DNAAF1: variants seen among roughly 807,000 people sequenced by gnomAD.
DNAAF1 encodes the protein dynein assembly factor 1, axonemal.
In DNAAF1, 65 loss-of-function variants were observed where a neutral mutation model predicts 71.1. The ratio of observed to expected loss-of-function variants is 0.91; its 90% CI spans 0.75 to 1.12. The LOEUF is 1.12. Among genes scored for constraint, DNAAF1 ranks in the 50% most tolerant of loss-of-function variants. The probability of loss-of-function intolerance (pLI) is 0.00; values close to 1 mark genes in which losing one functional copy is unlikely to be tolerated. For missense variants in DNAAF1, 1,178 were observed against 899.8 expected, an observed-to-expected ratio of 1.31 and a Z score of -3.96; for synonymous variants, 414 against 354.6, an observed-to-expected ratio of 1.17 and a Z score of -1.88.
In DNAAF1 at chr16:84,170,305, A is replaced by G; in HGVS notation, c.1477A>G (p.Thr493Ala). 2 of 1,611,628 alleles carry G rather than the reference A, an allele frequency of 1.2e-6. No homozygotes were observed. Among genetic ancestry groups the G allele is most frequent in the South Asian group, 1.1e-5 (1 of 90,928 alleles). Residue 493 changes from threonine to alanine, a missense_variant, in exon 8 of 12, where the codon ACC (threonine) becomes GCC (alanine). Thr to Ala is a moderately conservative substitution (Grantham distance 58, BLOSUM62 0). Coordinates refer to ENST00000378553, the MANE Select transcript of DNAAF1 (RefSeq NM_178452.6). ...GGATGGAGATCGAGAGCCAGAGGGG[A>G]CCCTCCCAGCTGAGGCCCCACCACC... Reference protein sequence around the residue: ...GEDGDREPEGTLPAEAPPPPP... With the variant: ...GEDGDREPEGALPAEAPPPPP...
In DNAAF1 at chr16:84,172,797, G is replaced by T. The variant is rs1356706194; in HGVS notation, c.1644+422G>T. 6 of 1,067,790 alleles carry T rather than the reference G, an allele frequency of 5.6e-6. No homozygotes were observed. The African/African-American group carries it at 8.3e-5, about 15-fold the overall frequency. 66.1% of individuals were successfully genotyped at this position (1,067,790 alleles called of 1,614,324 possible). A position where few individuals can be genotyped will look rare whatever the true frequency, so the allele number is the denominator to read the frequency against. ...ATACATTGTATCTTTTCCCCCCTCC[G>T]TGGACACCGCCCAGCAGGTAGCTTA... On this transcript the variant is annotated intron_variant, in intron 9 of 11. Coordinates refer to ENST00000378553, the MANE Select transcript of DNAAF1 (RefSeq NM_178452.6).
Position 84,156,851 on chromosome 16 carries a change from C to CTTTTTTTTT in DNAAF1, c.741+1113_741+1121dup, listed in dbSNP as rs778916785. On this transcript the variant is annotated intron_variant, in intron 5 of 11. Transcript: ENST00000378553. The stretch of plus-strand genomic sequence containing the variant: ...TTCCTTTCCTTTTCTTTCTTTCTTT[C>CTTTTTTTTT]TTTTTTTTTTTTTTTTTTTGAGACA... 1.3e-3 allele frequency among the ~76,000 whole-genome samples: 147 copies of CTTTTTTTTT among 111,806 alleles called. 1 individual carries two copies. The highest frequency in any genetic ancestry group is 3.5e-3 in the African/African-American group (98 of 27,756). 73.3% of individuals were successfully genotyped at this position (111,806 alleles called of 152,430 possible). A position where few individuals can be genotyped will look rare whatever the true frequency, so the allele number is the denominator to read the frequency against.
At chr16:84,148,592 C>CTTT (rs1298445444) in intron 1 of DNAAF1, among the ~76,000 whole-genome samples, 1 of 33,486 alleles carries the variant, frequency 3.0e-5, no homozygotes, top group Admixed American at 3.2e-4. Context: ...TTCTCTCTCT[C>CTTT]TCTCTTTTTT....
chr16:84,173,845 A>G (rs931700815), intron 9 of DNAAF1: 2 of 152,834 alleles, frequency 1.3e-5, no homozygotes, highest in African/African-American at 4.8e-5. Flanking sequence ...CAACACAGCG[A>G]GACTCTGTCT....
chr16:84,165,686 C>T, intron 6 of DNAAF1, 97 bp from the exon 7 acceptor site: 3 of 1,181,874 alleles, frequency 2.5e-6, no homozygotes, highest in East Asian at 2.3e-5. Context: ...GTCTGATGCT[C>T]ACTTTGCTTT....
intron 1 of DNAAF1, among the ~76,000 whole-genome samples, chr16:84,147,366 C>T (rs2086963267): frequency 1.3e-5 from 2 of 152,146 alleles, no homozygotes; most frequent in African/African-American, 4.8e-5. Flanking sequence ...ACACAGAAAG[C>T]AGCAGACAAC....
rs1597513394 is a variant in DNAAF1, at chr16:84,177,713, A to C, written c.2066-16A>C. The C allele has an allele frequency of 3.1e-6, 5 of 1,607,552 alleles. No homozygotes were observed. Among genetic ancestry groups the C allele is most frequent in the Non-Finnish European group, 4.3e-6 (5 of 1,174,674 alleles). ...CAGTGACAGGGAGAAAGCACAGGTC[A>C]CCCTTCCTTCCACAGTGCCGACTGA... On this transcript the variant is annotated splice_polypyrimidine_tract_variant and intron_variant, in intron 11 of 11. Coordinates refer to ENST00000378553, the MANE Select transcript of DNAAF1 (RefSeq NM_178452.6).
chr16:84,148,790 A>T (rs918096944), intron 1 of DNAAF1, among the ~76,000 whole-genome samples: 3 of 150,868 alleles, frequency 2.0e-5, no homozygotes, highest in Non-Finnish European at 4.4e-5. Context: ...GGGTTTTGTC[A>T]TGTTGCTCAG....
At chr16:84,162,608 C>G (rs1175871199) in intron 6 of DNAAF1, among the ~76,000 whole-genome samples, 2 of 151,938 alleles carry the variant, frequency 1.3e-5, no homozygotes, top group African/African-American at 2.4e-5. Context: ...ATCACCAGGT[C>G]AAGAGATTGA....
intron 1 of DNAAF1, 104 bp from the exon 2 acceptor site, chr16:84,148,903 G>C: frequency 7.6e-7 from 1 of 1,308,234 alleles, no homozygotes; most frequent in Non-Finnish European, 1.1e-6. Flanking sequence ...AAAGAATACT[G>C]GTGTTCTATA....
At chr16:84,174,789 G>A (rs1436603706) in intron 10 of DNAAF1, 67 bp downstream of exon 10, 13 of 1,593,244 alleles carry the variant, frequency 8.2e-6, no homozygotes, top group East Asian at 2.2e-5. Context: ...GTCGTTTACC[G>A]TTTCTCTCCT....
intron 5 of DNAAF1, among the ~76,000 whole-genome samples, chr16:84,158,137 A>G (rs577508580): frequency 3.3e-4 from 51 of 152,282 alleles, no homozygotes; most frequent in Non-Finnish European, 5.4e-4. Context: ...CCTGGGAGGC[A>G]GAGCTTGCAG....
intron 6 of DNAAF1, among the ~76,000 whole-genome samples, 189 bp downstream of exon 6, chr16:84,159,985 T>C (rs1429632453): frequency 6.6e-6 from 1 of 152,158 alleles, no homozygotes; most frequent in Non-Finnish European, 1.5e-5. Context: ...TTTTTTATAT[T>C]CCTTTGATAA....
chr16:84,155,543 T>A, intron 4 of DNAAF1, 40 bp from the exon 5 acceptor site: 2 of 1,612,370 alleles, frequency 1.2e-6, no homozygotes, highest in Non-Finnish European at 1.7e-6. Flanking sequence ...GAAGCATTTT[T>A]ATGCCTTTGT....
chr16:84,145,629 C>T (rs2086863420), intron 1 of DNAAF1, 65 bp downstream of exon 1: 4 of 1,520,864 alleles, frequency 2.6e-6, no homozygotes, highest in Admixed American at 2.0e-5. Context: ...CTCCAGCCCC[C>T]TTCCCACACC....
chr16:84,146,292 A>G (rs2086902833), intron 1 of DNAAF1, among the ~76,000 whole-genome samples: 1 of 152,184 alleles, frequency 6.6e-6, no homozygotes, highest in East Asian at 1.9e-4. Flanking sequence ...ATGTTGTGTC[A>G]GGGCAAGACA....
At chr16:84,174,205 G>A (rs995086789) in intron 9 of DNAAF1, 18 of 1,025,096 alleles carry the variant, frequency 1.8e-5, no homozygotes, top group East Asian at 1.8e-4. Context: ...CCCCAACCAC[G>A]CACTGGTTGT....
At position 84,160,828 on chromosome 16, in the gene DNAAF1, G is replaced by A. The variant is rs1178635722; in HGVS notation, c.863+1032G>A. ...TGGGCGCCTGTAGTCCCAGCTACTC[G>A]AGTGGAGGCTGAGGAGGAGAATGGC... is the stretch of plus-strand genomic sequence containing the variant. On this transcript the variant is annotated intron_variant, in intron 6 of 11. Transcript: ENST00000378553. Among the ~76,000 whole-genome samples the A allele has an allele frequency of 4.0e-5, 6 of 151,640 alleles. No homozygotes were observed. The East Asian group carries it at 7.8e-4, about 20-fold the overall frequency.
At position 84,145,477 on chromosome 16, in the gene DNAAF1, G is replaced by T; in HGVS notation, c.37G>T (p.Ala13Ser). The change falls in exon 1 of 12, where the codon GCA becomes TCA. Residue 13 changes from alanine (A) to serine (S), a missense_variant. Ala to Ser is a moderately conservative substitution (Grantham distance 99). Coordinates refer to ENST00000378553, the MANE Select transcript of DNAAF1 (RefSeq NM_178452.6). ...PEPSEPATGG[A>S]AELDCAQEPG... is the part of the protein sequence containing the mutation. ...GCCCTCGGAGCCTGCGACAGGTGGT[G>T]CAGCAGAGCTGGATTGCGCGCAGGA... 11 of 1,577,112 alleles carry T rather than the reference G, an allele frequency of 7.0e-6. No individual in the cohort carries two copies. The highest frequency in any genetic ancestry group is 9.5e-6 in the Non-Finnish European group (11 of 1,161,718).
Sources: gnomAD v4.1 joint callset for allele counts (sites outside exome capture counted in the v4.1 genomes callset) on GRCh38, gnomAD v4.1.1 for gene constraint, MANE v1.5 for transcripts, NCBI Gene and HGNC (gene_info 2026-07-23, HGNC 2026-07-21) for gene names.